BICD1: variants seen among roughly 807,000 people sequenced by gnomAD.
BICD1 encodes the protein BICD cargo adaptor 1.
In BICD1, 35 loss-of-function variants were observed where a neutral mutation model predicts 92.5. That is an observed-to-expected ratio of 0.38 (90% CI 0.29 to 0.50). The LOEUF (loss-of-function observed/expected upper bound fraction) is 0.50, where lower values mean the gene tolerates loss of function less well. BICD1 is among the 20% of genes least tolerant of loss of function. The pLI is 0.93. For missense variants in BICD1, 950 were observed against 1,189.8 expected (o/e 0.80, Z 2.97); for synonymous variants, 429 against 465.1 (o/e 0.92, Z 1.00).
At chr12:32,110,449 T>C (rs542491100) in intron 1 of BICD1, among the ~76,000 whole-genome samples, 2 of 152,316 alleles carry the variant, frequency 1.3e-5, no homozygotes, top group East Asian at 3.9e-4. Flanking sequence ...CAAAGTGTTC[T>C]CCTTTTCATG....
intron 2 of BICD1, among the ~76,000 whole-genome samples, chr12:32,233,696 A>G (rs1945970691): frequency 6.6e-6 from 1 of 152,144 alleles, no homozygotes; most frequent in Non-Finnish European, 1.5e-5. Context: ...TTTGGTTTCA[A>G]ACTTTTTCTC....
chr12:32,163,926 T>G (rs1222957685), intron 1 of BICD1, among the ~76,000 whole-genome samples: 1 of 152,228 alleles, frequency 6.6e-6, no homozygotes, highest in Non-Finnish European at 1.5e-5. Flanking sequence ...CTTTTTCAAC[T>G]AAATATGCTA....
intron 4 of BICD1, among the ~76,000 whole-genome samples, chr12:32,316,547 C>T (rs1296203652): frequency 6.7e-6 from 1 of 150,236 alleles, no homozygotes; most frequent in Admixed American, 6.6e-5. Flanking sequence ...GCAATCCACC[C>T]GCCTCAGCCT....
intron 1 of BICD1, among the ~76,000 whole-genome samples, chr12:32,166,134 A>ATTT (rs1555140597): frequency 1.9e-4 from 6 of 31,822 alleles, no homozygotes; most frequent in East Asian, 9.8e-4. Context: ...TTATTTATTT[A>ATTT]TTTATTTATT....
chr12:32,132,515 T>C (rs1308485136), intron 1 of BICD1, among the ~76,000 whole-genome samples: 1 of 152,060 alleles, frequency 6.6e-6, no homozygotes, highest in East Asian at 1.9e-4. Context: ...GGCTCGGAAC[T>C]GTGCTGTGCA....
At chr12:32,248,428 T>G (rs1946444275) in intron 2 of BICD1, among the ~76,000 whole-genome samples, 1 of 152,188 alleles carries the variant, frequency 6.6e-6, no homozygotes, top group South Asian at 2.1e-4. Flanking sequence ...TGTTGTTGGT[T>G]TCTGCTGCAG....
chr12:32,324,532 AC>A (rs1948731154), intron 4 of BICD1, among the ~76,000 whole-genome samples: 1 of 151,718 alleles, frequency 6.6e-6, no homozygotes, highest in African/African-American at 2.4e-5. Flanking sequence ...TTCCTCTTCG[AC>A]ATTTTCATCC....
chr12:32,293,173 G>A (rs918969205), intron 2 of BICD1, among the ~76,000 whole-genome samples: 2 of 152,184 alleles, frequency 1.3e-5, no homozygotes, highest in African/African-American at 4.8e-5. Context: ...ACATGGAAGT[G>A]TGCATGTATC....
At chr12:32,347,309 CTCTGAT>C (rs1383989650) in intron 8 of BICD1, among the ~76,000 whole-genome samples, 2 of 151,104 alleles carry the variant, frequency 1.3e-5, no homozygotes, top group Admixed American at 1.3e-4. Flanking sequence ...TCTGCTTTGT[CTCTGAT>C]TGGTGGCAGT....
At chr12:32,176,653 C>G (rs908960376) in intron 1 of BICD1, among the ~76,000 whole-genome samples, 11 of 152,160 alleles carry the variant, frequency 7.2e-5, no homozygotes, top group South Asian at 2.1e-4. Flanking sequence ...TCATACAAAT[C>G]AAATCATACA....
chr12:32,236,521 C>G (rs1946077855), intron 2 of BICD1, among the ~76,000 whole-genome samples: 1 of 152,134 alleles, frequency 6.6e-6, no homozygotes, highest in Admixed American at 6.6e-5. Context: ...TTCCATGAGA[C>G]ACAACAATAT....
intron 1 of BICD1, among the ~76,000 whole-genome samples, chr12:32,159,613 A>T (rs1798588): frequency 0.51 from 78,193 of 151,868 alleles, 20,514 homozygotes; most frequent in East Asian, 0.75. Context: ...ATGTGCAGAG[A>T]GAATCAGTTC....
intron 8 of BICD1, chr12:32,339,262 C>A: frequency 9.1e-7 from 1 of 1,103,356 alleles, no homozygotes; most frequent in Non-Finnish European, 1.1e-6. Flanking sequence ...AACGCACACA[C>A]ACTTGGATCC....
intron 1 of BICD1, among the ~76,000 whole-genome samples, chr12:32,145,557 A>G (rs1166434065): frequency 6.6e-6 from 1 of 152,234 alleles, no homozygotes; most frequent in Admixed American, 6.5e-5. Flanking sequence ...ACAATATGTT[A>G]CTATTATACA....
At chr12:32,128,993 G>A (rs1207988470) in intron 1 of BICD1, among the ~76,000 whole-genome samples, 2 of 151,590 alleles carry the variant, frequency 1.3e-5, no homozygotes, top group African/African-American at 4.8e-5. Context: ...CCAGGCTGGA[G>A]TGCAGTGGCA....
intron 1 of BICD1, among the ~76,000 whole-genome samples, chr12:32,139,759 T>TCACC (rs1477656864): frequency 1.3e-5 from 2 of 152,148 alleles, no homozygotes; most frequent in South Asian, 4.1e-4. Flanking sequence ...AGACGGGGTT[T>TCACC]CACCATGTTG....
chr12:32,133,159 C>T (rs765564392), intron 1 of BICD1, among the ~76,000 whole-genome samples: 2 of 151,998 alleles, frequency 1.3e-5, no homozygotes, highest in Non-Finnish European at 2.9e-5. Context: ...CTTGTGGATA[C>T]CAATATTGAT....
rs769937417 is a variant in BICD1 at position 32,203,290 on chromosome 12, G to A, written c.214-12957G>A. The stretch of plus-strand genomic sequence containing the variant: ...GCTTTATGACCTTGGAGGAGGGAAG[G>A]ATTTACAAATAGTGTTAGCTATAAG... On this transcript the variant is annotated intron_variant, in intron 1 of 9. Transcript: ENST00000652176. 6.2e-4 allele frequency among the ~76,000 whole-genome samples: 95 copies of A among 152,142 alleles called. 1 individual carries two copies. The highest frequency in any genetic ancestry group is 1.1e-3 in the Non-Finnish European group (76 of 68,020).
At chr12:32,114,570 A>G (rs1400243148) in intron 1 of BICD1, among the ~76,000 whole-genome samples, 1 of 151,988 alleles carries the variant, frequency 6.6e-6, no homozygotes, top group Non-Finnish European at 1.5e-5. Context: ...TTTTGTAGAC[A>G]CAGGGTTTTG....
Sources: gnomAD v4.1 joint callset for allele counts (sites outside exome capture counted in the v4.1 genomes callset) on GRCh38, gnomAD v4.1.1 for gene constraint, MANE v1.5 for transcripts, NCBI Gene and HGNC (gene_info 2026-07-23, HGNC 2026-07-21) for gene names.